GRM8: variants seen among roughly 807,000 people sequenced by gnomAD.
GRM8 encodes the protein metabotropic glutamate receptor 8.
Under a neutral mutation model 87.2 loss-of-function variants are expected in GRM8, and 47 were observed. The ratio of observed to expected loss-of-function variants is 0.54; its 90% confidence interval spans 0.43 to 0.69. The LOEUF is 0.69. GRM8 is among the 30% of genes least tolerant of loss of function. The probability of loss-of-function intolerance (pLI) is 0.00; values close to 1 mark genes in which losing one functional copy is unlikely to be tolerated. For synonymous variants in GRM8, 396 were observed against 404.5 expected (o/e 0.98, Z 0.25); for missense variants, 1,019 against 1,139.2 (o/e 0.89, Z 1.52).
chr7:126,822,025 T>C (rs1794342409), intron 6 of GRM8, among the ~76,000 whole-genome samples: 1 of 152,226 alleles, frequency 6.6e-6, no homozygotes, highest in Non-Finnish European at 1.5e-5. Context: ...TATTTATTCA[T>C]TATTAAATTT....
chr7:126,693,069 C>A (rs1423685198), intron 7 of GRM8, among the ~76,000 whole-genome samples: 1 of 152,156 alleles, frequency 6.6e-6, no homozygotes, highest in Non-Finnish European at 1.5e-5. Flanking sequence ...ACAAACTAAT[C>A]GCCTCAAACT....
At chr7:126,866,423 T>A (rs182916730) in intron 6 of GRM8, among the ~76,000 whole-genome samples, 17 of 152,164 alleles carry the variant, frequency 1.1e-4, no homozygotes, top group African/African-American at 3.6e-4. Context: ...AATTTCAATG[T>A]CCCATTTATC....
At chr7:126,667,363 T>A (rs1450404553) in intron 7 of GRM8, among the ~76,000 whole-genome samples, 1 of 152,224 alleles carries the variant, frequency 6.6e-6, no homozygotes, top group East Asian at 1.9e-4. Context: ...GGGGTGTCAC[T>A]GTAGAATGTT....
chr7:127,207,658 A>G (rs1162204717), intron 2 of GRM8, among the ~76,000 whole-genome samples: 1 of 152,166 alleles, frequency 6.6e-6, no homozygotes, highest in African/African-American at 2.4e-5. Flanking sequence ...CTCTTGGTTA[A>G]GGGGACCCCA....
intron 8 of GRM8, among the ~76,000 whole-genome samples, chr7:126,558,468 CTCTGTATGCT>C (rs1793373253): frequency 6.6e-6 from 1 of 152,074 alleles, no homozygotes; most frequent in Admixed American, 6.6e-5. Flanking sequence ...CTCTGTATGC[CTCTGTATGCT>C]GTTTCCAGGA....
chr7:126,814,800 CA>C lies in GRM8; in HGVS notation c.1157-44736del, dbSNP rs111590585. The stretch of plus-strand genomic sequence containing the variant: ...AAATAAGCCACTGCCCTCAATATTA[CA>C]GACTGCTGTATAGGTCAACCAGAAC... On this transcript the variant is annotated intron_variant, in intron 6 of 10. Coordinates refer to ENST00000339582, the MANE Select transcript of GRM8 (RefSeq NM_000845.3). Among the ~76,000 whole-genome samples the C allele has an allele frequency of 6.7e-3, 1,008 of 151,236 alleles. 10 individuals carry two copies. Among genetic ancestry groups the C allele is most frequent in the African/African-American group, 0.023 (929 of 41,162 alleles).
intron 7 of GRM8, among the ~76,000 whole-genome samples, chr7:126,627,524 T>C (rs1262277201): frequency 6.6e-6 from 1 of 152,222 alleles, no homozygotes; most frequent in African/African-American, 2.4e-5. Context: ...ACAGTTCTTG[T>C]AGCTTAAATA....
intron 7 of GRM8, among the ~76,000 whole-genome samples, chr7:126,759,660 T>C (rs1407910281): frequency 2.0e-5 from 3 of 152,178 alleles, no homozygotes; most frequent in African/African-American, 7.2e-5. Context: ...AATCCTTATA[T>C]GTAGTACTTT....
chr7:126,743,477 C>T (rs561479028), intron 7 of GRM8, among the ~76,000 whole-genome samples: 11 of 152,168 alleles, frequency 7.2e-5, no homozygotes, highest in Admixed American at 7.2e-4. Flanking sequence ...ATTTCAATCA[C>T]AATCCTATAG....
intron 3 of GRM8, among the ~76,000 whole-genome samples, chr7:126,950,192 C>G (rs1030026101): frequency 6.6e-6 from 1 of 152,160 alleles, no homozygotes; most frequent in Admixed American, 6.5e-5. Flanking sequence ...TGCCTGTCTG[C>G]TTATTCAATT....
At chr7:127,152,356 T>C (rs1792441435) in intron 2 of GRM8, among the ~76,000 whole-genome samples, 1 of 151,918 alleles carries the variant, frequency 6.6e-6, no homozygotes, top group South Asian at 2.1e-4. Context: ...AGGATGATGG[T>C]GGTGGTGGTT....
chr7:126,939,116 C>T (rs1315432717), intron 3 of GRM8, among the ~76,000 whole-genome samples: 1 of 152,070 alleles, frequency 6.6e-6, no homozygotes, highest in Non-Finnish European at 1.5e-5. Flanking sequence ...TCTTAACCAT[C>T]ATTGTTCTAT....
intron 3 of GRM8, among the ~76,000 whole-genome samples, chr7:126,962,506 G>C (rs1289905557): frequency 6.6e-6 from 1 of 152,178 alleles, no homozygotes; most frequent in Non-Finnish European, 1.5e-5. Flanking sequence ...ATTAGTTAAA[G>C]TAGCTTAAAC....
chr7:127,088,526 G>A lies in GRM8; in HGVS notation c.727+17970C>T, dbSNP rs17869246. 9.7e-4 allele frequency among the ~76,000 whole-genome samples: 147 copies of A among 152,260 alleles called. 1 individual carries two copies. The highest frequency in any genetic ancestry group is 3.4e-3 in the African/African-American group (142 of 41,540). ...TACATTTAGATCCTATTTTTCAGGG[G>A]AATTTTGGCTACTGTAACTGAATTT... On this transcript the variant is annotated intron_variant, in intron 3 of 10. Transcript: ENST00000339582.
chr7:127,212,612 T>A (rs2116642720), intron 2 of GRM8, among the ~76,000 whole-genome samples: 1 of 151,876 alleles, frequency 6.6e-6, no homozygotes, highest in Middle Eastern at 3.4e-3. Context: ...AGAGACGGGG[T>A]TTCACCGTTT....
At chr7:127,151,123 C>T (rs1289161957) in intron 2 of GRM8, among the ~76,000 whole-genome samples, 1 of 151,998 alleles carries the variant, frequency 6.6e-6, no homozygotes, top group Non-Finnish European at 1.5e-5. Flanking sequence ...TACACAAGGA[C>T]TCTGTAGGAG....
At chr7:127,050,730 A>G (rs1433789121) in intron 3 of GRM8, among the ~76,000 whole-genome samples, 1 of 152,178 alleles carries the variant, frequency 6.6e-6, no homozygotes, top group African/African-American at 2.4e-5. Context: ...TTTTGCAGAG[A>G]GCCGATGACG....
At chr7:126,697,636 T>G (rs377550899) in intron 7 of GRM8, among the ~76,000 whole-genome samples, 2 of 152,110 alleles carry the variant, frequency 1.3e-5, no homozygotes, top group East Asian at 3.9e-4. Flanking sequence ...TTTATAACAT[T>G]TACTCACATC....
chr7:126,453,573 C>T (rs1802888620), intron 9 of GRM8, among the ~76,000 whole-genome samples: 1 of 151,560 alleles, frequency 6.6e-6, no homozygotes, highest in Non-Finnish European at 1.5e-5. Context: ...AGAATATCAG[C>T]TTCTCTAATG....
Sources: gnomAD v4.1 joint callset for allele counts (sites outside exome capture counted in the v4.1 genomes callset) on GRCh38, gnomAD v4.1.1 for gene constraint, MANE v1.5 for transcripts, NCBI Gene and HGNC (gene_info 2026-07-23, HGNC 2026-07-21) for gene names.